Variants in PACRG observed in about 807,000 individuals in gnomAD.
The protein encoded by PACRG is parkin coregulated gene protein.
A neutral mutation model predicts 29.7 loss-of-function variants in PACRG; 29 were observed. The observed-to-expected ratio is 0.98, with a 90% CI of 0.73 to 1.33. The LOEUF (loss-of-function observed/expected upper bound fraction) is 1.33, where lower values mean the gene tolerates loss of function less well. Among genes scored for constraint, PACRG ranks in the 40% most tolerant of loss-of-function variants. The pLI is 0.00. For synonymous variants in PACRG, 116 were observed against 118.7 expected (o/e 0.98, Z 0.15); for missense variants, 279 against 316.2 (o/e 0.88, Z 0.89).
chr6:162,944,306 A>T lies in PACRG; in HGVS notation c.292-117844A>T, dbSNP rs569814842. On this transcript the variant is annotated intron_variant, in intron 2 of 4. Transcript: ENST00000366888. ...GCACTACCAAACCAACATCATAGGT[A>T]CATCTTGAGGAAAAAATCCTTCCTT... 2.0e-5 allele frequency among the ~76,000 whole-genome samples: 3 copies of T among 152,360 alleles called. No individual in the cohort carries two copies. The South Asian group carries it at 6.2e-4, about 32-fold the overall frequency.
chr6:162,823,675 C>T (rs2128380346), intron 2 of PACRG, among the ~76,000 whole-genome samples: 1 of 152,152 alleles, frequency 6.6e-6, no homozygotes, highest in African/African-American at 2.4e-5. Flanking sequence ...CCACACCCGG[C>T]TAATTTTTTC....
intron 4 of PACRG, among the ~76,000 whole-genome samples, chr6:163,243,418 G>A (rs548557861): frequency 1.4e-4 from 22 of 152,318 alleles, no homozygotes; most frequent in African/African-American, 5.3e-4. Flanking sequence ...CCAAGCGTAT[G>A]CCTGCACCCC....
intron 2 of PACRG, among the ~76,000 whole-genome samples, chr6:163,003,560 T>C (rs1210437395): frequency 1.3e-5 from 2 of 152,208 alleles, no homozygotes; most frequent in Non-Finnish European, 2.9e-5. Context: ...CTATATCCAC[T>C]TCTTGCCAAA....
intron 4 of PACRG, among the ~76,000 whole-genome samples, chr6:163,171,284 G>A (rs912091310): frequency 3.9e-5 from 6 of 152,054 alleles, no homozygotes; most frequent in African/African-American, 1.5e-4. Context: ...AAAAATCACA[G>A]ATCAAAGGGG....
chr6:162,916,377 T>C (rs1796695661), intron 2 of PACRG, among the ~76,000 whole-genome samples: 1 of 152,198 alleles, frequency 6.6e-6, no homozygotes, highest in South Asian at 2.1e-4. Flanking sequence ...TTCTTTGAAG[T>C]TATCCTCTGT....
At chr6:162,954,169 G>A (rs146137711) in intron 2 of PACRG, among the ~76,000 whole-genome samples, 69 of 152,298 alleles carry the variant, frequency 4.5e-4, no homozygotes, top group Non-Finnish European at 4.0e-4. Flanking sequence ...CCACTTCAGA[G>A]ACTGATGAAA....
chr6:163,252,437 G>A (rs1782945764), intron 4 of PACRG, among the ~76,000 whole-genome samples: 1 of 152,250 alleles, frequency 6.6e-6, no homozygotes, highest in Admixed American at 6.5e-5. Flanking sequence ...CTGCTAGGAA[G>A]AGAATCCAGT....
intron 4 of PACRG, among the ~76,000 whole-genome samples, chr6:163,150,087 C>T (rs751343455): frequency 8.5e-5 from 13 of 152,188 alleles, no homozygotes; most frequent in Non-Finnish European, 1.3e-4. Flanking sequence ...GCCCTCAACC[C>T]GCAAACCGGC....
At chr6:162,858,819 G>A (rs995665299) in intron 2 of PACRG, among the ~76,000 whole-genome samples, 1 of 152,126 alleles carries the variant, frequency 6.6e-6, no homozygotes, top group African/African-American at 2.4e-5. Context: ...TGTCACATGA[G>A]GTCTTCAGGG....
At chr6:163,225,484 C>A (rs1781753738) in intron 4 of PACRG, among the ~76,000 whole-genome samples, 1 of 152,162 alleles carries the variant, frequency 6.6e-6, no homozygotes, top group Non-Finnish European at 1.5e-5. Flanking sequence ...CCCAGCCATG[C>A]AGAACTGTGA....
At chr6:163,111,699 T>G (rs1421512945) in intron 4 of PACRG, among the ~76,000 whole-genome samples, 4 of 152,242 alleles carry the variant, frequency 2.6e-5, no homozygotes, top group African/African-American at 9.6e-5. Flanking sequence ...TTCTGTATTC[T>G]TCAGTGTAAT....
At chr6:162,757,671 C>T (rs1782034879) in intron 1 of PACRG, among the ~76,000 whole-genome samples, 2 of 152,016 alleles carry the variant, frequency 1.3e-5, no homozygotes, top group Admixed American at 6.6e-5. Flanking sequence ...GGTGCCACTG[C>T]ACTCCAGCCT....
At chr6:163,119,393 G>C (rs1816161440) in intron 4 of PACRG, among the ~76,000 whole-genome samples, 2 of 152,250 alleles carry the variant, frequency 1.3e-5, no homozygotes, top group African/African-American at 4.8e-5. Flanking sequence ...ACACCACCTG[G>C]CACCCAGTGA....
intron 2 of PACRG, among the ~76,000 whole-genome samples, chr6:163,030,671 G>T (rs971955279): frequency 2.6e-5 from 4 of 152,180 alleles, no homozygotes; most frequent in Non-Finnish European, 5.9e-5. Flanking sequence ...CCTGAGGGCT[G>T]CTTGTTGCCC....
intron 1 of PACRG, among the ~76,000 whole-genome samples, chr6:162,812,412 G>A (rs941338674): frequency 4.6e-5 from 7 of 151,974 alleles, no homozygotes; most frequent in South Asian, 4.2e-4. Flanking sequence ...ACTATACACT[G>A]GCACTATTGC....
chr6:162,848,711 TA>T (rs1790615304), intron 2 of PACRG, among the ~76,000 whole-genome samples: 1 of 152,264 alleles, frequency 6.6e-6, no homozygotes, highest in Non-Finnish European at 1.5e-5. Context: ...GTTGCCTTAG[TA>T]TAATTTAAGG....
intron 4 of PACRG, among the ~76,000 whole-genome samples, chr6:163,208,697 G>A (rs1272011966): frequency 6.6e-6 from 1 of 151,980 alleles, no homozygotes; most frequent in African/African-American, 2.4e-5. Flanking sequence ...TTCTTTGCAT[G>A]GAATAAAATG....
chr6:162,779,716 C>G (rs1783943120), intron 1 of PACRG, among the ~76,000 whole-genome samples: 1 of 152,120 alleles, frequency 6.6e-6, no homozygotes, highest in South Asian at 2.1e-4. Flanking sequence ...TTGTGCATGT[C>G]AATTCAATAA....
intron 1 of PACRG, among the ~76,000 whole-genome samples, chr6:162,745,304 T>C (rs1034696134): frequency 6.6e-6 from 1 of 151,912 alleles, no homozygotes; most frequent in Non-Finnish European, 1.5e-5. Context: ...AAACACTGCA[T>C]GTTCTCACTC....
Sources: allele counts gnomAD v4.1 joint callset (sites outside exome capture counted in the v4.1 genomes callset), GRCh38; gene constraint gnomAD v4.1.1; transcripts MANE v1.5; gene names NCBI Gene and HGNC (gene_info 2026-07-23, HGNC 2026-07-21).